The following IQCM variants were observed in gnomAD, a reference collection of about 807,000 sequenced individuals.
The protein encoded by IQCM is IQ domain-containing protein M.
Under a neutral mutation model 57.6 loss-of-function variants are expected in IQCM, and 45 were observed. The ratio of observed to expected loss-of-function variants is 0.78; its 90% confidence interval spans 0.62 to 1.00. IQCM has a LOEUF of 1.00. IQCM is among the 50% of genes least tolerant of loss of function. The probability of loss-of-function intolerance (pLI) is 0.00; values close to 1 mark genes in which losing one functional copy is unlikely to be tolerated. For synonymous variants in IQCM, 148 were observed against 158.9 expected (o/e 0.93, Z 0.51); for missense variants, 468 against 511.6 (o/e 0.91, Z 0.82).
intron 12 of IQCM, among the ~76,000 whole-genome samples, chr4:149,503,264 TTAAAA>T (rs1297186595): frequency 1.3e-5 from 2 of 152,072 alleles, no homozygotes. Flanking sequence ...CAATAATAAA[TTAAAA>T]TATCTTTTCT....
chr4:149,747,107 G>T (rs973390629), intron 2 of IQCM, among the ~76,000 whole-genome samples: 2 of 152,110 alleles, frequency 1.3e-5, no homozygotes, highest in Non-Finnish European at 2.9e-5. Flanking sequence ...ACTGACTTCT[G>T]TCAAGTCTCC....
chr4:149,667,046 G>A (rs1760793659), intron 7 of IQCM, among the ~76,000 whole-genome samples: 1 of 152,142 alleles, frequency 6.6e-6, no homozygotes, highest in Admixed American at 6.5e-5. Flanking sequence ...GAAAAGAACA[G>A]CAGATCTCCC....
intron 12 of IQCM, among the ~76,000 whole-genome samples, chr4:149,492,077 T>C (rs1742153638): frequency 6.6e-6 from 1 of 152,124 alleles, no homozygotes; most frequent in Admixed American, 6.6e-5. Flanking sequence ...TCTATTCAGA[T>C]CTTCTGCCCA....
intron 13 of IQCM, among the ~76,000 whole-genome samples, chr4:149,394,840 A>G (rs780321649): frequency 2.6e-5 from 4 of 152,056 alleles, no homozygotes; most frequent in Non-Finnish European, 5.9e-5. Flanking sequence ...TATTAATTTG[A>G]ATATTTTTTA....
intron 12 of IQCM, among the ~76,000 whole-genome samples, chr4:149,479,435 A>G (rs547959808): frequency 2.6e-5 from 4 of 152,208 alleles, no homozygotes; most frequent in Non-Finnish European, 5.9e-5. Context: ...ACTATTTACT[A>G]TGTCAGTAAC....
At chr4:149,548,817 A>G (rs369515085) in intron 11 of IQCM, among the ~76,000 whole-genome samples, 43 of 152,268 alleles carry the variant, frequency 2.8e-4, no homozygotes, top group East Asian at 9.7e-4. Context: ...GGCATCTTCT[A>G]TACTGACTTC....
chr4:149,566,064 G>A (rs1211760074), intron 9 of IQCM, among the ~76,000 whole-genome samples: 1 of 152,138 alleles, frequency 6.6e-6, no homozygotes, highest in African/African-American at 2.4e-5. Context: ...ATTTTGAATA[G>A]CTTAGAAAAG....
intron 9 of IQCM, among the ~76,000 whole-genome samples, chr4:149,572,522 A>G (rs1215548570): frequency 6.6e-6 from 1 of 151,876 alleles, no homozygotes; most frequent in Non-Finnish European, 1.5e-5. Context: ...TTCAAATTTT[A>G]TATCTCTATT....
At chr4:149,433,918 C>G (rs1416841913) in intron 12 of IQCM, among the ~76,000 whole-genome samples, 2 of 152,090 alleles carry the variant, frequency 1.3e-5, no homozygotes, top group South Asian at 2.1e-4. Flanking sequence ...ACTAATCTGA[C>G]AAAAATGTTG....
chr4:149,523,305 C>T lies in IQCM; in HGVS notation c.1228+25150G>A, dbSNP rs115198943. ...AAATTTTGGGGAAATACATTCAGTC[C>T]ATAGCATGCAATTACAAAGAAAAAA... is the stretch of plus-strand genomic sequence containing the variant. On this transcript the variant is annotated intron_variant, in intron 12 of 13. Coordinates refer to ENST00000636793, the MANE Select transcript of IQCM (RefSeq NM_001363507.2). Among the ~76,000 whole-genome samples the T allele has an allele frequency of 5.1e-3, 768 of 151,930 alleles. 3 individuals are homozygous for T. The highest frequency in any genetic ancestry group is 0.016 in the African/African-American group (673 of 41,444).
chr4:149,494,744 G>C (rs982226692), intron 12 of IQCM, among the ~76,000 whole-genome samples: 1 of 152,130 alleles, frequency 6.6e-6, no homozygotes, highest in African/African-American at 2.4e-5. Flanking sequence ...AACAAGATGA[G>C]ACTGGAGAAG....
At chr4:149,368,829 C>CGT (rs1730063337) in intron 13 of IQCM, among the ~76,000 whole-genome samples, 1 of 68,956 alleles carries the variant, frequency 1.5e-5, no homozygotes, top group Non-Finnish European at 2.9e-5. Flanking sequence ...CATATATATA[C>CGT]ATGTATATAT....
intron 12 of IQCM, among the ~76,000 whole-genome samples, chr4:149,465,375 T>C (rs1202149518): frequency 1.3e-5 from 2 of 152,086 alleles, no homozygotes; most frequent in East Asian, 3.9e-4. Context: ...CTCAATACAA[T>C]AGGATGATAT....
chr4:149,579,888 G>T (rs1336240047), intron 9 of IQCM, among the ~76,000 whole-genome samples: 1 of 151,730 alleles, frequency 6.6e-6, no homozygotes, highest in African/African-American at 2.4e-5. Context: ...ATTAACTATA[G>T]CTCTATTAAC....
At chr4:149,373,354 C>T (rs992607770) in intron 13 of IQCM, among the ~76,000 whole-genome samples, 2 of 152,016 alleles carry the variant, frequency 1.3e-5, no homozygotes, top group African/African-American at 2.4e-5. Context: ...GTGTCTGAAT[C>T]CAACAGCAAC....
chr4:149,686,368 T>C lies in IQCM; in HGVS notation c.476+10A>G. On this transcript the variant is annotated intron_variant, in intron 6 of 13. Transcript: ENST00000636793. ...ATATATTTTCTATAGGTTAGCTAAT[T>C]ATACATTACCTGGACTCCTCAAAGT... is the stretch of plus-strand genomic sequence containing the variant. The C allele has an allele frequency of 1.7e-6, 2 of 1,150,608 alleles. No individual in the cohort carries two copies. The highest frequency in any genetic ancestry group is 2.2e-6 in the Non-Finnish European group (2 of 913,890). 71.3% of individuals were successfully genotyped at this position (1,150,608 alleles called of 1,614,324 possible). A position where few individuals can be genotyped will look rare whatever the true frequency, so the allele number is the denominator to read the frequency against.
intron 12 of IQCM, among the ~76,000 whole-genome samples, chr4:149,499,258 T>G (rs527654794): frequency 6.6e-6 from 1 of 152,310 alleles, no homozygotes. Flanking sequence ...CTTATTTGAA[T>G]ATCATATATT....
At chr4:149,473,153 C>T (rs1739773397) in intron 12 of IQCM, among the ~76,000 whole-genome samples, 1 of 152,162 alleles carries the variant, frequency 6.6e-6, no homozygotes, top group African/African-American at 2.4e-5. Flanking sequence ...AGCTTCTGCA[C>T]AGCAAAAGAA....
chr4:149,763,710 A>G (rs1212160087), intron 2 of IQCM, among the ~76,000 whole-genome samples: 1 of 152,170 alleles, frequency 6.6e-6, no homozygotes, highest in African/African-American at 2.4e-5. Flanking sequence ...GAAGAGCTAC[A>G]GTGGCAGAGC....
Sources: allele counts gnomAD v4.1 joint callset (sites outside exome capture counted in the v4.1 genomes callset), GRCh38; gene constraint gnomAD v4.1.1; transcripts MANE v1.5; gene names NCBI Gene and HGNC (gene_info 2026-07-23, HGNC 2026-07-21).